RAC2: variants seen among roughly 807,000 people sequenced by gnomAD.
The protein encoded by RAC2 is ras-related C3 botulinum toxin substrate 2.
In RAC2, 1 loss-of-function variant was observed where a neutral mutation model predicts 24.0. The ratio of observed to expected loss-of-function variants is 0.04; its 90% CI spans 0.01 to 0.20. RAC2 has a LOEUF of 0.20. Among genes scored for constraint, RAC2 ranks in the 10% least tolerant of loss-of-function variants. The probability of loss-of-function intolerance (pLI) is 1.00; values close to 1 mark genes in which losing one functional copy is unlikely to be tolerated. For missense variants in RAC2, 130 were observed against 259.1 expected (o/e 0.50, Z 3.42); for synonymous variants, 114 against 106.8 (o/e 1.07, Z -0.41).
chr22:37,233,196 G>A (rs957279667), intron 2 of RAC2, among the ~76,000 whole-genome samples: 2 of 152,178 alleles, frequency 1.3e-5, no homozygotes, highest in African/African-American at 4.8e-5. Context: ...AATTGAGGCT[G>A]TGTAACTTTT....
intron 1 of RAC2, 121 bp from the exon 2 acceptor site, chr22:37,241,779 G>T: frequency 1.2e-6 from 1 of 837,584 alleles, no homozygotes; most frequent in African/African-American, 1.7e-5. Context: ...CTGGGCCTCC[G>T]TCTCCCCATG....
intron 5 of RAC2, among the ~76,000 whole-genome samples, chr22:37,227,565 T>C (rs1161165405): frequency 4.6e-3 from 31 of 6,782 alleles, no homozygotes; most frequent in Admixed American, 0.018. Flanking sequence ...CCCCTTCCCA[T>C]GCCTCCCACG....
chr22:37,243,701 C>G (rs1927475788), intron 1 of RAC2, among the ~76,000 whole-genome samples: 1 of 152,218 alleles, frequency 6.6e-6, no homozygotes. Flanking sequence ...CAAGGCCACA[C>G]AGCGGCACCA....
chr22:37,230,848 C>T (rs1264848719), intron 5 of RAC2, among the ~76,000 whole-genome samples: 1 of 152,200 alleles, frequency 6.6e-6, no homozygotes, highest in Non-Finnish European at 1.5e-5. Context: ...CCCACTCAAT[C>T]TCTGCTTCTG....
At chr22:37,228,899 C>A (rs1054506982) in intron 5 of RAC2, among the ~76,000 whole-genome samples, 1 of 152,194 alleles carries the variant, frequency 6.6e-6, no homozygotes, top group Non-Finnish European at 1.5e-5. Flanking sequence ...CATATACGCC[C>A]ACCAGGGATC....
chr22:37,244,009 G>A (rs1310057322), intron 1 of RAC2, 105 bp downstream of exon 1: 1 of 1,481,020 alleles, frequency 6.8e-7, no homozygotes, highest in Non-Finnish European at 9.4e-7. Context: ...GCCTTCCAGG[G>A]ACGCCTAGTT....
At chr22:37,229,648 G>A (rs1318158711) in intron 5 of RAC2, among the ~76,000 whole-genome samples, 1 of 152,202 alleles carries the variant, frequency 6.6e-6, no homozygotes, top group Non-Finnish European at 1.5e-5. Context: ...ACTCCCCCTA[G>A]GCCTAAGCTG....
chr22:37,236,962 A>G (rs1365313752), intron 2 of RAC2, among the ~76,000 whole-genome samples: 1 of 152,138 alleles, frequency 6.6e-6, no homozygotes, highest in Admixed American at 6.5e-5. Context: ...AGGCTGAGGC[A>G]GGTGGATCAC....
intron 2 of RAC2, chr22:37,240,944 G>T: frequency 1.4e-6 from 1 of 700,034 alleles, no homozygotes; most frequent in South Asian, 1.5e-5. Context: ...GGGTAATAAG[G>T]CCAGGTGGGA....
chr22:37,242,431 A>G (rs1385893188), intron 1 of RAC2, among the ~76,000 whole-genome samples: 1 of 152,220 alleles, frequency 6.6e-6, no homozygotes, highest in Admixed American at 6.5e-5. Flanking sequence ...GCTGGTACAT[A>G]GGAAGGAAGT....
intron 2 of RAC2, among the ~76,000 whole-genome samples, chr22:37,235,585 T>C (rs953849380): frequency 6.6e-6 from 1 of 152,204 alleles, no homozygotes; most frequent in African/African-American, 2.4e-5. Context: ...CGCGGTCTGG[T>C]GCACAGCAGG....
At chr22:37,234,685 C>G (rs1369456399) in intron 2 of RAC2, among the ~76,000 whole-genome samples, 2 of 152,220 alleles carry the variant, frequency 1.3e-5, no homozygotes, top group Non-Finnish European at 2.9e-5. Context: ...TGCTGGTCCA[C>G]ACAAAGCCCC....
chr22:37,238,082 T>C (rs1232703107), intron 2 of RAC2, among the ~76,000 whole-genome samples: 1 of 151,454 alleles, frequency 6.6e-6, no homozygotes, highest in Non-Finnish European at 1.5e-5. Context: ...TCTGTGTACT[T>C]GGAGTGAAGT....
In RAC2 at chr22:37,231,253, G is replaced by C. The variant is rs147759121; in HGVS notation, c.426C>G (p.Gly142=). The C allele has an allele frequency of 9.9e-6, 16 of 1,613,636 alleles. No individual in the cohort carries two copies. The highest frequency in any genetic ancestry group is 1.1e-5 in the South Asian group (1 of 91,058). The change falls in exon 5 of 7, where the codon GGC becomes GGG. Residue 142 remains glycine, a synonymous_variant. Transcript: ENST00000249071. This position sits in a 1 kb window ranked among gnomAD's most constrained non-coding sequence, Gnocchi z 5.5. ...KKLAPITYPQ[G]LALAKEIDSV... The stretch of plus-strand genomic sequence containing the variant: ...TACCAATCTCCTTGGCCAGTGCCAG[G>C]CCCTGCGGGTAGGTGATGGGAGCCA...
chr22:37,237,901 C>A (rs926009661), intron 2 of RAC2, among the ~76,000 whole-genome samples: 1 of 151,778 alleles, frequency 6.6e-6, no homozygotes, highest in Non-Finnish European at 1.5e-5. Flanking sequence ...TGAAGACAGC[C>A]AAGCAGGGTG....
At chr22:37,243,504 C>T (rs1344419666) in intron 1 of RAC2, among the ~76,000 whole-genome samples, 1 of 152,172 alleles carries the variant, frequency 6.6e-6, no homozygotes, top group Non-Finnish European at 1.5e-5. Context: ...TCACCCACAT[C>T]CCCCACACAT....
At chr22:37,234,123 G>A (rs1927154920) in intron 2 of RAC2, among the ~76,000 whole-genome samples, 1 of 151,826 alleles carries the variant, frequency 6.6e-6, no homozygotes. Context: ...TATGCATCGG[G>A]TGCAGAGCCA....
chr22:37,240,356 T>A (rs1601676872), intron 2 of RAC2, among the ~76,000 whole-genome samples: 1 of 152,210 alleles, frequency 6.6e-6, no homozygotes. Context: ...GACAGGACCG[T>A]GTAAGCCTGG....
chr22:37,233,676 C>T (rs995746606), intron 2 of RAC2, among the ~76,000 whole-genome samples: 1 of 152,094 alleles, frequency 6.6e-6, no homozygotes, highest in Non-Finnish European at 1.5e-5. Context: ...GGGGTTTATT[C>T]GGGAAGTGAC....
Sources: allele counts gnomAD v4.1 joint callset (sites outside exome capture counted in the v4.1 genomes callset), GRCh38; gene constraint gnomAD v4.1.1; non-coding constraint Gnocchi (gnomAD v3.1); transcripts MANE v1.5; gene names NCBI Gene and HGNC (gene_info 2026-07-23, HGNC 2026-07-21).